The following NTNG1 variants were observed in gnomAD, a reference collection of about 807,000 sequenced individuals.
NTNG1 encodes netrin G1, also known as netrin-G1.
NTNG1 carries 16 observed loss-of-function variants against 54.0 expected under a neutral mutation model. The ratio of observed to expected loss-of-function variants is 0.30; its 90% CI spans 0.20 to 0.45. The LOEUF is 0.45. Among genes scored for constraint, NTNG1 ranks in the 20% least tolerant of loss-of-function variants. NTNG1 has a pLI of 1.00. For missense variants in NTNG1, 530 were observed against 678.7 expected, an observed-to-expected ratio of 0.78 and a Z score of 2.43; for synonymous variants, 255 against 263.1, an observed-to-expected ratio of 0.97 and a Z score of 0.30.
chr1:107,157,179 G>A (rs551098507), intron 2 of NTNG1, among the ~76,000 whole-genome samples: 1 of 152,138 alleles, frequency 6.6e-6, no homozygotes, highest in East Asian at 1.9e-4. Flanking sequence ...ATTATATGTA[G>A]CATTGTTTTT....
intron 2 of NTNG1, among the ~76,000 whole-genome samples, chr1:107,276,317 T>C (rs555998147): frequency 6.6e-6 from 1 of 152,254 alleles, no homozygotes; most frequent in African/African-American, 2.4e-5. Context: ...CAACATTGTC[T>C]CACTTTTCAG....
At chr1:107,188,492 C>T (rs144150783) in intron 2 of NTNG1, among the ~76,000 whole-genome samples, 1,904 of 152,256 alleles carry the variant, frequency 0.013, 41 homozygotes, top group African/African-American at 0.044. Context: ...CTGAAAGCTC[C>T]AGAATCCAGA....
At chr1:107,465,136 C>T (rs1020933994) in intron 7 of NTNG1, among the ~76,000 whole-genome samples, 9 of 152,190 alleles carry the variant, frequency 5.9e-5, no homozygotes, top group African/African-American at 2.2e-4. Context: ...TTTCCAATTA[C>T]AGTCTCAGGA....
chr1:107,288,084 A>G (rs1031113111), intron 2 of NTNG1, among the ~76,000 whole-genome samples: 2 of 152,192 alleles, frequency 1.3e-5, no homozygotes, highest in Non-Finnish European at 2.9e-5. Context: ...AAAGATCATT[A>G]CAATTATCCA....
chr1:107,422,915 G>A (rs1210511258), intron 5 of NTNG1, among the ~76,000 whole-genome samples: 4 of 151,998 alleles, frequency 2.6e-5, no homozygotes, highest in Non-Finnish European at 4.4e-5. Context: ...CAGTAAAAAC[G>A]AGGATGCAAA....
chr1:107,375,134 G>A (rs544619193), intron 3 of NTNG1, among the ~76,000 whole-genome samples: 50 of 152,184 alleles, frequency 3.3e-4, no homozygotes, highest in Admixed American at 6.5e-4. Flanking sequence ...CTGCTAAATC[G>A]TTCAGGGGGA....
rs562547249 is a variant in NTNG1 at position 107,286,586 on chromosome 1, G to A, written c.247-37696G>A. On this transcript the variant is annotated intron_variant, in intron 2 of 7. Coordinates refer to ENST00000370068, the MANE Select transcript of NTNG1 (RefSeq NM_001113226.3). ...AGGCATTATATGAATATTTGTTATAGCTACACATTTAGAGAAGCAAATAGA... is the reference window on the plus strand; with the variant it reads ...AGGCATTATATGAATATTTGTTATAACTACACATTTAGAGAAGCAAATAGA... Among the ~76,000 whole-genome samples the A allele has an allele frequency of 5.8e-4, 88 of 152,248 alleles. 1 individual carries two copies. In the Middle Eastern group the frequency reaches 0.02, roughly 35 times the overall value.
intron 2 of NTNG1, among the ~76,000 whole-genome samples, chr1:107,209,902 T>C (rs2101370132): frequency 6.6e-6 from 1 of 152,258 alleles, no homozygotes; most frequent in Admixed American, 6.5e-5. Flanking sequence ...TTTTTTTTTT[T>C]TTTTTCTGTT....
At chr1:107,331,607 G>A (rs1051725078) in intron 3 of NTNG1, among the ~76,000 whole-genome samples, 2 of 151,998 alleles carry the variant, frequency 1.3e-5, no homozygotes, top group Admixed American at 6.6e-5. Context: ...CTTTTATTAT[G>A]TACACCTGCT....
intron 2 of NTNG1, among the ~76,000 whole-genome samples, chr1:107,267,645 C>T (rs1298662914): frequency 6.6e-6 from 1 of 152,130 alleles, no homozygotes; most frequent in African/African-American, 2.4e-5. Context: ...TGTCAGTCCC[C>T]AGGGTGTCCA....
intron 2 of NTNG1, among the ~76,000 whole-genome samples, chr1:107,176,516 G>T (rs77910122): frequency 0.02 from 2,969 of 152,140 alleles, 98 homozygotes; most frequent in African/African-American, 0.068. Flanking sequence ...TTAACATCAC[G>T]GTTAAGTGAA....
intron 2 of NTNG1, among the ~76,000 whole-genome samples, chr1:107,267,187 C>G (rs1663803059): frequency 6.6e-6 from 1 of 152,154 alleles, no homozygotes; most frequent in Non-Finnish European, 1.5e-5. Flanking sequence ...TGGCAAGACC[C>G]ACCTATATGG....
At chr1:107,295,635 T>C (rs1265559849) in intron 2 of NTNG1, among the ~76,000 whole-genome samples, 1 of 152,180 alleles carries the variant, frequency 6.6e-6, no homozygotes, top group African/African-American at 2.4e-5. Flanking sequence ...CAGGATTATT[T>C]ATACATTAAT....
chr1:107,249,844 T>C (rs77423683), intron 2 of NTNG1, among the ~76,000 whole-genome samples: 2,864 of 152,328 alleles, frequency 0.019, 96 homozygotes, highest in African/African-American at 0.066. Context: ...AATGTTACCA[T>C]AATATGCATT....
chr1:107,443,875 A>G (rs895231903), intron 7 of NTNG1, among the ~76,000 whole-genome samples: 2 of 152,100 alleles, frequency 1.3e-5, no homozygotes, highest in African/African-American at 4.8e-5. Flanking sequence ...TGCTACATAC[A>G]TAAGGGTGAT....
chr1:107,148,337 T>G lies in NTNG1; in HGVS notation c.-257T>G. 2.4e-6 allele frequency: 1 copy of G among 410,836 alleles called. No individual in the cohort carries two copies. The highest frequency in any genetic ancestry group is 4.0e-5 in the Admixed American group (1 of 24,808). The allele number at this position is 410,836 out of a possible 1,614,324, so 25.4% of individuals were successfully genotyped here. A position where few individuals can be genotyped will look rare whatever the true frequency, so the allele number is the denominator to read the frequency against. On this transcript the variant is annotated 5_prime_UTR_variant, in exon 2 of 8. Transcript: ENST00000370068. Reference sequence around the variant, plus strand: ...CTAAGACAAAGAAAAAGCTGCAAGTTGTTAACGCCTAACACACAAGTATGT... The same window carrying G: ...CTAAGACAAAGAAAAAGCTGCAAGTGGTTAACGCCTAACACACAAGTATGT...
intron 7 of NTNG1, among the ~76,000 whole-genome samples, chr1:107,440,174 G>T (rs1675880357): frequency 6.6e-6 from 1 of 152,078 alleles, no homozygotes; most frequent in East Asian, 1.9e-4. Context: ...GGAGATATCA[G>T]GAAGAGTCCA....
intron 2 of NTNG1, among the ~76,000 whole-genome samples, chr1:107,304,567 C>A (rs1666548772): frequency 1.3e-5 from 2 of 152,028 alleles, no homozygotes; most frequent in African/African-American, 2.4e-5. Context: ...GAGAAATCTC[C>A]AATTATTTTT....
intron 7 of NTNG1, chr1:107,455,491 A>C (rs1676895514): frequency 2.6e-6 from 1 of 387,776 alleles, no homozygotes; most frequent in African/African-American, 2.0e-5. Flanking sequence ...ATCTTTTCCA[A>C]AGCAGCAGGC....
Sources: gnomAD v4.1 joint callset for allele counts (sites outside exome capture counted in the v4.1 genomes callset) on GRCh38, gnomAD v4.1.1 for gene constraint, MANE v1.5 for transcripts, NCBI Gene and HGNC (gene_info 2026-07-23, HGNC 2026-07-21) for gene names.